PHLDB1: variants seen among roughly 807,000 people sequenced by gnomAD.
The protein encoded by PHLDB1 is pleckstrin homology-like domain family B member 1.
Under a neutral mutation model 139.3 loss-of-function variants are expected in PHLDB1, and 65 were observed. The observed-to-expected ratio is 0.47, with a 90% confidence interval of 0.38 to 0.57. PHLDB1 has a LOEUF of 0.57. Ranked by LOEUF, PHLDB1 falls within the 20% of genes least tolerant of loss-of-function variation. The pLI is 0.00. For synonymous variants in PHLDB1, 679 were observed against 734.5 expected (o/e 0.92, Z 1.22); for missense variants, 1,624 against 1,839.7 (o/e 0.88, Z 2.14).
Position 118,625,040 on chromosome 11 carries a change from C to A in PHLDB1, c.462C>A (p.Pro154=), listed in dbSNP as rs782221016. 1.2e-6 allele frequency: 2 copies of A among 1,610,584 alleles called. No individual in the cohort carries two copies. Among genetic ancestry groups the A allele is most frequent in the Admixed American group, 3.4e-5 (2 of 59,528 alleles). ...CAGCAGGGGGCCGAGCCCCTGGGCCCCCCTACAGCCCTGTTCCTGGTAGGT... is the reference window on the plus strand; with the variant it reads ...CAGCAGGGGGCCGAGCCCCTGGGCCACCCTACAGCCCTGTTCCTGGTAGGT... The part of the protein sequence containing the change: ...MIPAGGRAPG[P]PYSPVPAESE... The change falls in exon 5 of 23, where the codon CCC becomes CCA. Residue 154 remains proline (P), a synonymous_variant. Transcript: ENST00000600882.
chr11:118,625,559 G>A (rs1943710763), intron 5 of PHLDB1, among the ~76,000 whole-genome samples: 1 of 152,214 alleles, frequency 6.6e-6, no homozygotes, highest in Non-Finnish European at 1.5e-5. Flanking sequence ...ATTGGTGATT[G>A]TTCTGGGGAA....
Position 118,632,916 on chromosome 11 carries a change from T to A in PHLDB1, c.2379+620T>A. 1.2e-6 allele frequency: 1 copy of A among 855,032 alleles called. No individual in the cohort carries two copies. Among genetic ancestry groups the A allele is most frequent in the Non-Finnish European group, 1.4e-6 (1 of 710,786 alleles). The allele number at this position is 855,032 out of a possible 1,614,324, so 53.0% of individuals were successfully genotyped here. A position where few individuals can be genotyped will look rare whatever the true frequency, so the allele number is the denominator to read the frequency against. Reference sequence around the variant, plus strand: ...GGATCTGACAGTATTTTTCCAATAATTTAATTTTCCTTCTGGATTTTTTGA... The same window carrying A: ...GGATCTGACAGTATTTTTCCAATAAATTAATTTTCCTTCTGGATTTTTTGA... On this transcript the variant is annotated intron_variant, in intron 9 of 22. Coordinates refer to ENST00000600882, the MANE Select transcript of PHLDB1 (RefSeq NM_001144758.3). The surrounding 1 kb of genome is among the most constrained non-coding windows in gnomAD (Gnocchi z 5.9).
At position 118,647,820 on chromosome 11, in the gene PHLDB1, T is replaced by C; in HGVS notation, c.3508-110T>C. 3 of 1,192,768 alleles carry C rather than the reference T, an allele frequency of 2.5e-6. No homozygotes were observed. The South Asian group carries it at 4.6e-5, about 18-fold the overall frequency. The allele number at this position is 1,192,768 out of a possible 1,614,324, so 73.9% of individuals were successfully genotyped here. A position where few individuals can be genotyped will look rare whatever the true frequency, so the allele number is the denominator to read the frequency against. On this transcript the variant is annotated intron_variant, in intron 17 of 22. Coordinates refer to ENST00000600882, the MANE Select transcript of PHLDB1 (RefSeq NM_001144758.3). ...GGGCTTTGAAGATGATGCCTCCTCA[T>C]GCCAGACTACCCTGAGGTGGATTCC...
rs1037018615 is a variant in PHLDB1 at position 118,650,685 on chromosome 11, T to G, written c.3874+138T>G. The stretch of plus-strand genomic sequence containing the variant: ...TGGGCTAGGCTTTGCCCTCCTTCCC[T>G]GAAAATGTACACAATGTACCTGGTT... On this transcript the variant is annotated intron_variant, in intron 20 of 22. Transcript: ENST00000600882. The surrounding 1 kb of genome is among the most constrained non-coding windows in gnomAD (Gnocchi z 4.7). 14 of 634,564 alleles carry G rather than the reference T, an allele frequency of 2.2e-5. No homozygotes were observed. The highest frequency in any genetic ancestry group is 1.6e-4 in the Admixed American group (6 of 36,530). The allele number at this position is 634,564 out of a possible 1,614,324, so 39.3% of individuals were successfully genotyped here.
At position 118,631,949 on chromosome 11, in the gene PHLDB1, G is replaced by T. The variant is rs1944884852; in HGVS notation, c.2137G>T (p.Val713Leu). Residue 713 changes from valine (V) to leucine (L), a missense_variant, in exon 8 of 23, where the codon GTG (valine) becomes TTG (leucine). Coordinates refer to ENST00000600882, the MANE Select transcript of PHLDB1 (RefSeq NM_001144758.3). ...ACCTAGCACCAAGCTCCAGGGAGAG[G>T]TGCTAGCCCTGGAAGAAGAGCGGGC... is the stretch of plus-strand genomic sequence containing the variant. ...DAPSTKLQGE[V>L]LALEEERAQV... 6.2e-7 allele frequency: 1 copy of T among 1,614,052 alleles called. No homozygotes were observed.
chr11:118,632,913 T>C lies in PHLDB1; in HGVS notation c.2379+617T>C. ...TCTGGATCTGACAGTATTTTTCCAA[T>C]AATTTAATTTTCCTTCTGGATTTTT... On this transcript the variant is annotated intron_variant, in intron 9 of 22. Transcript: ENST00000600882. This position sits in a 1 kb window ranked among gnomAD's most constrained non-coding sequence, Gnocchi z 5.9. 1 of 863,748 alleles carries C rather than the reference T, an allele frequency of 1.2e-6. No individual in the cohort carries two copies. Among genetic ancestry groups the C allele is most frequent in the Non-Finnish European group, 1.4e-6 (1 of 718,774 alleles). 53.5% of individuals were successfully genotyped at this position (863,748 alleles called of 1,614,324 possible).
Position 118,657,782 on chromosome 11 carries a change from A to C in PHLDB1, c.*959A>C. 1 of 159,450 alleles carries C rather than the reference A, an allele frequency of 6.3e-6. No homozygotes were observed. Among genetic ancestry groups the C allele is most frequent in the South Asian group, 1.8e-4 (1 of 5,460 alleles). The allele number at this position is 159,450 out of a possible 1,614,324, so 9.9% of individuals were successfully genotyped here. ...CCTAGAGAGAAAGCCTGAGCAGGAG[A>C]TGATGCAGCAGAGGGGAAGGGCCCT... On this transcript the variant is annotated 3_prime_UTR_variant, in exon 23 of 23. Coordinates refer to ENST00000600882, the MANE Select transcript of PHLDB1 (RefSeq NM_001144758.3).
rs1944943740 is a variant in PHLDB1, at chr11:118,632,350, G to A, written c.2379+54G>A. 3 of 1,585,730 alleles carry A rather than the reference G, an allele frequency of 1.9e-6. No homozygotes were observed. Among genetic ancestry groups the A allele is most frequent in the South Asian group, 1.1e-5 (1 of 90,186 alleles). ...TGGGTACCAGTGGCCTGGGAGAGAA[G>A]GAGAAATGTCTTCTCTGGGGCCCTG... On this transcript the variant is annotated intron_variant, in intron 9 of 22. Coordinates refer to ENST00000600882, the MANE Select transcript of PHLDB1 (RefSeq NM_001144758.3). This position sits in a 1 kb window ranked among gnomAD's most constrained non-coding sequence, Gnocchi z 5.9.
chr11:118,627,385 TC>T lies in PHLDB1; in HGVS notation c.565del (p.Leu189TrpfsTer2). 1 of 1,614,100 alleles carries T rather than the reference TC, an allele frequency of 6.2e-7. No homozygotes were observed. The highest frequency in any genetic ancestry group is 8.5e-7 in the Non-Finnish European group (1 of 1,179,972). ...RGPSACASHS[S>X]LVSSIEKDLQ... ...ACCCTCTGCCTGTGCCAGCCACAGT[TC>T]CCTGGTGAGCTCTATTGAGAAGGAC... On this transcript the variant is annotated frameshift_variant, in exon 6 of 23. Transcript: ENST00000600882. LOFTEE classifies it high-confidence loss of function.
chr11:118,654,713 C>CTTTTTTTTTTTT (rs5795131), intron 20 of PHLDB1: 19 of 83,480 alleles, frequency 2.3e-4, no homozygotes, highest in East Asian at 3.8e-4. Context: ...CTTTCTTTCT[C>CTTTTTTTTTTTT]TTTTTTTTTT....
intron 6 of PHLDB1, chr11:118,630,156 G>GTCTCTCATCACTTAC: frequency 1.1e-6 from 1 of 909,996 alleles, no homozygotes; most frequent in Non-Finnish European, 1.6e-6. Context: ...AACTGTAAGT[G>GTCTCTCATCACTTAC]ATGAGAGACA....
chr11:118,648,815 C>A (rs917959968), intron 18 of PHLDB1, among the ~76,000 whole-genome samples: 14 of 152,146 alleles, frequency 9.2e-5, no homozygotes, highest in Non-Finnish European at 1.9e-4. Flanking sequence ...CTCCCACAAC[C>A]CCCCATGAGA....
intron 12 of PHLDB1, chr11:118,641,746 C>T: frequency 7.8e-7 from 1 of 1,289,910 alleles, no homozygotes; most frequent in Non-Finnish European, 1.0e-6. Context: ...TCCCATGCTG[C>T]CCTCCTCCTC....
At position 118,627,748 on chromosome 11, in the gene PHLDB1, G is replaced by A. The variant is rs782633960; in HGVS notation, c.925G>A (p.Glu309Lys). ...PQSRPSGARS[E>K]SPRLSRKGGH... Reference sequence around the variant, plus strand: ...GTCCCGCCCAAGTGGTGCTCGCTCCGAGAGTCCTCGGCTGAGCAGGAAAGG... The same window carrying A: ...GTCCCGCCCAAGTGGTGCTCGCTCCAAGAGTCCTCGGCTGAGCAGGAAAGG... Residue 309 changes from glutamate to lysine, a missense_variant, in exon 6 of 23, where the codon GAG becomes AAG. Physicochemically the swap from Glu to Lys is moderately conservative, Grantham distance 56. Transcript: ENST00000600882. 5.0e-6 allele frequency: 8 copies of A among 1,608,200 alleles called. No homozygotes were observed. Among genetic ancestry groups the A allele is most frequent in the African/African-American group, 1.3e-5 (1 of 74,946 alleles).
At chr11:118,624,590 CTTTTTTTTTTTTTTT>C (rs67582556) in intron 4 of PHLDB1, 4 of 133,176 alleles carry the variant, frequency 3.0e-5, no homozygotes, top group South Asian at 1.4e-4. Flanking sequence ...TTCTTCCTTT[CTTTTTTTTTTTTTTT>C]TTTTTTTTTT....
At chr11:118,618,230 G>A (rs745530182) in intron 4 of PHLDB1, among the ~76,000 whole-genome samples, 24 of 152,018 alleles carry the variant, frequency 1.6e-4, no homozygotes, top group Non-Finnish European at 2.5e-4. Flanking sequence ...TAGCCTTCTT[G>A]TCTGGGCTCG....
At chr11:118,642,227 T>C in intron 12 of PHLDB1, 27 bp from the exon 13 acceptor site, 1 of 1,598,176 alleles carries the variant, frequency 6.3e-7, no homozygotes, top group Non-Finnish European at 8.5e-7. Flanking sequence ...TCCTGTCCCC[T>C]TTTCCCCTCC....
chr11:118,639,396 A>G (rs1946160326), intron 12 of PHLDB1, 145 bp downstream of exon 12: 1 of 658,174 alleles, frequency 1.5e-6, no homozygotes, highest in Non-Finnish European at 2.7e-6. Context: ...AATGGCCCCA[A>G]GCTCTGGGAT....
In PHLDB1 at chr11:118,644,089, G is replaced by A. The variant is rs553700909; in HGVS notation, c.3036G>A (p.Gln1012=). Residue 1012 remains glutamine (Q), a synonymous_variant, in exon 15 of 23, where the codon CAG becomes CAA. Transcript: ENST00000600882. ...SPSPKSALLT[Q]NGTGSLPRNL... ...CTCTGCAGAGCGCTCTACTCACCCA[G>A]AATGGCACGGGCAGCCTTCCTCGCA... 44 of 1,613,984 alleles carry A rather than the reference G, an allele frequency of 2.7e-5. No individual in the cohort carries two copies. The highest frequency in any genetic ancestry group is 3.5e-5 in the Non-Finnish European group (41 of 1,179,952).
Sources: gnomAD v4.1 joint callset for allele counts (sites outside exome capture counted in the v4.1 genomes callset) on GRCh38, gnomAD v4.1.1 for gene constraint, Gnocchi (gnomAD v3.1) non-coding constraint, MANE v1.5 for transcripts, NCBI Gene and HGNC (gene_info 2026-07-23, HGNC 2026-07-21) for gene names.